PDE10A: variants seen among roughly 807,000 people sequenced by gnomAD.
PDE10A encodes the protein phosphodiesterase 10A.
In PDE10A, 39 loss-of-function variants were observed where a neutral mutation model predicts 97.7. The ratio of observed to expected loss-of-function variants is 0.40; its 90% CI spans 0.31 to 0.52. PDE10A has a LOEUF of 0.52. Ranked by LOEUF, PDE10A falls within the 20% of genes least tolerant of loss-of-function variation. The pLI is 0.56. For missense variants in PDE10A, 731 were observed against 1,047.8 expected (o/e 0.70, Z 4.17); for synonymous variants, 371 against 376.8 (o/e 0.98, Z 0.18).
intron 1 of PDE10A, among the ~76,000 whole-genome samples, chr6:165,793,540 C>T (rs963608440): frequency 6.6e-6 from 1 of 152,120 alleles, no homozygotes; most frequent in Non-Finnish European, 1.5e-5. Flanking sequence ...AATCTTCCTG[C>T]AATCCCACCT....
intron 1 of PDE10A, among the ~76,000 whole-genome samples, chr6:165,838,211 T>C (rs545893005): frequency 6.6e-6 from 1 of 152,216 alleles, no homozygotes; most frequent in Non-Finnish European, 1.5e-5. Flanking sequence ...TTTAAAATCA[T>C]ACCATCCCAT....
intron 3 of PDE10A, among the ~76,000 whole-genome samples, chr6:165,464,425 T>C (rs934144394): frequency 1.3e-5 from 2 of 152,228 alleles, no homozygotes; most frequent in African/African-American, 4.8e-5. Flanking sequence ...AACATACTTA[T>C]ATATTTTCTC....
intron 1 of PDE10A, among the ~76,000 whole-genome samples, chr6:165,765,582 C>G (rs1262606861): frequency 6.6e-6 from 1 of 152,206 alleles, no homozygotes; most frequent in Non-Finnish European, 1.5e-5. Context: ...GCTCCGAGTG[C>G]GGGGCCCGCC....
chr6:165,689,153 T>C (rs1362461164), intron 1 of PDE10A, among the ~76,000 whole-genome samples: 1 of 152,218 alleles, frequency 6.6e-6, no homozygotes, highest in Non-Finnish European at 1.5e-5. Flanking sequence ...AATGTAGGCT[T>C]TGCCTCTTGT....
intron 1 of PDE10A, among the ~76,000 whole-genome samples, chr6:165,635,094 T>C (rs76427226): frequency 1.5e-3 from 235 of 152,228 alleles, no homozygotes; most frequent in African/African-American, 3.7e-3. Flanking sequence ...CTTTAGTAAA[T>C]TGAGTGGGCA....
chr6:165,345,653 G>A, intron 18 of PDE10A, among the ~76,000 whole-genome samples: 1 of 152,170 alleles, frequency 6.6e-6, no homozygotes, highest in East Asian at 1.9e-4. Flanking sequence ...CAATCAAGGA[G>A]GAGCCCAACA....
chr6:165,817,066 T>A (rs1213960961), intron 1 of PDE10A, among the ~76,000 whole-genome samples: 2 of 152,088 alleles, frequency 1.3e-5, no homozygotes, highest in East Asian at 3.9e-4. Flanking sequence ...CCAACAACCG[T>A]GCTCAGGAAG....
intron 1 of PDE10A, among the ~76,000 whole-genome samples, chr6:165,594,872 T>C (rs555758910): frequency 6.6e-6 from 1 of 152,322 alleles, no homozygotes; most frequent in East Asian, 1.9e-4. Context: ...CATATACTCA[T>C]GTGCATGTTA....
chr6:165,505,303 G>A (rs1781127073), intron 2 of PDE10A, among the ~76,000 whole-genome samples: 1 of 152,052 alleles, frequency 6.6e-6, no homozygotes, highest in Non-Finnish European at 1.5e-5. Flanking sequence ...AAATTCAAAA[G>A]ACTCCAGTTT....
At chr6:165,596,911 C>T (rs899059926) in intron 1 of PDE10A, among the ~76,000 whole-genome samples, 1 of 152,038 alleles carries the variant, frequency 6.6e-6, no homozygotes, top group South Asian at 2.1e-4. Context: ...TATTCTGAGA[C>T]TAAATTTTTG....
At chr6:165,986,170 C>T (rs1192138501) in intron 1 of PDE10A, 1 of 152,848 alleles carries the variant, frequency 6.5e-6, no homozygotes, top group Non-Finnish European at 1.5e-5. Flanking sequence ...CTGGGGTTCT[C>T]CGCCACCTCC....
rs778456192 is a variant in PDE10A, at chr6:165,682,114, T to A, written c.-614-138546A>T. Among the ~76,000 whole-genome samples the A allele has an allele frequency of 1.5e-3, 235 of 152,286 alleles. 1 individual carries two copies. Among genetic ancestry groups the A allele is most frequent in the Non-Finnish European group, 2.6e-3 (178 of 68,018 alleles). ...TCTTACTTGAGACTGAAGGTTTTTA[T>A]TCCCCAACCCCAAATTTATATCTTG... is the stretch of plus-strand genomic sequence containing the variant. On this transcript the variant is annotated intron_variant, in intron 1 of 19. Transcript: ENST00000366882.
intron 1 of PDE10A, among the ~76,000 whole-genome samples, chr6:165,826,261 G>C (rs976637826): frequency 6.6e-6 from 1 of 152,062 alleles, no homozygotes; most frequent in Non-Finnish European, 1.5e-5. Context: ...GGATGGCCAC[G>C]ATGGCCCTCT....
intron 1 of PDE10A, among the ~76,000 whole-genome samples, chr6:165,899,902 C>T (rs1033246649): frequency 6.6e-6 from 1 of 152,190 alleles, no homozygotes; most frequent in Non-Finnish European, 1.5e-5. Flanking sequence ...CCTGTTTTTT[C>T]CCTTTTCTTT....
chr6:165,975,838 T>A (rs983698598), intron 1 of PDE10A, among the ~76,000 whole-genome samples: 9 of 152,262 alleles, frequency 5.9e-5, no homozygotes, highest in Non-Finnish European at 1.3e-4. Flanking sequence ...TTTTCCTTTT[T>A]AAGTTCAAAG....
chr6:165,402,387 T>C (rs1786736889), intron 13 of PDE10A, among the ~76,000 whole-genome samples: 1 of 152,110 alleles, frequency 6.6e-6, no homozygotes. Flanking sequence ...AGAAAATTTA[T>C]ATTACTTCCC....
intron 2 of PDE10A, among the ~76,000 whole-genome samples, chr6:165,487,888 A>T (rs1253908872): frequency 6.6e-6 from 1 of 152,036 alleles, no homozygotes; most frequent in Non-Finnish European, 1.5e-5. Context: ...TGCAGCACAC[A>T]CTCAGCGGTG....
At chr6:165,592,398 C>T (rs923787505) in intron 1 of PDE10A, among the ~76,000 whole-genome samples, 1 of 152,160 alleles carries the variant, frequency 6.6e-6, no homozygotes, top group African/African-American at 2.4e-5. Flanking sequence ...TAAGCTAAGA[C>T]TTCATGATTA....
intron 3 of PDE10A, among the ~76,000 whole-genome samples, chr6:165,465,622 A>G (rs1778592882): frequency 6.6e-6 from 1 of 152,204 alleles, no homozygotes; most frequent in Admixed American, 6.5e-5. Flanking sequence ...GGCCTCAGGA[A>G]ACTTACAATC....
Sources: gnomAD v4.1 joint callset for allele counts (sites outside exome capture counted in the v4.1 genomes callset) on GRCh38, gnomAD v4.1.1 for gene constraint, MANE v1.5 for transcripts, NCBI Gene and HGNC (gene_info 2026-07-23, HGNC 2026-07-21) for gene names.